RAI14: variants seen among roughly 807,000 people sequenced by gnomAD.
RAI14 encodes the protein ankycorbin.
In RAI14, 45 loss-of-function variants were observed where a neutral mutation model predicts 115.4. The observed-to-expected ratio is 0.39, with a 90% CI of 0.31 to 0.50. RAI14 has a LOEUF of 0.50. Among genes scored for constraint, RAI14 ranks in the 20% least tolerant of loss-of-function variants. The pLI is 0.85. For missense variants in RAI14, 939 were observed against 1,131.2 expected (o/e 0.83, Z 2.44); for synonymous variants, 371 against 415.4 (o/e 0.89, Z 1.30).
intron 16 of RAI14, 145 bp from the exon 17 acceptor site, chr5:34,829,587 C>A: frequency 1.7e-6 from 1 of 578,978 alleles, no homozygotes; most frequent in Non-Finnish European, 3.0e-6. Context: ...AGTAAGGCCA[C>A]AACAATTTTA....
At chr5:34,786,817 T>C (rs1580258294) in intron 3 of RAI14, among the ~76,000 whole-genome samples, 1 of 152,076 alleles carries the variant, frequency 6.6e-6, no homozygotes, top group African/African-American at 2.4e-5. Flanking sequence ...CACACAGAAA[T>C]ACAGACCGTG....
At position 34,796,179 on chromosome 5, in the gene RAI14, G is replaced by T. The variant is rs189302739; in HGVS notation, c.256+152G>T. On this transcript the variant is annotated intron_variant, in intron 4 of 17. Transcript: ENST00000265109. ...CGAGGGTGAGGTGTGTGGATCACTT[G>T]AGGCCAGGAGTTCAAGGCCAGACTG... is the stretch of plus-strand genomic sequence containing the variant. 311 of 589,048 alleles carry T rather than the reference G, an allele frequency of 5.3e-4. No homozygotes were observed. The African/African-American group carries it at 5.4e-3, about 10-fold the overall frequency. 36.5% of individuals were successfully genotyped at this position (589,048 alleles called of 1,614,324 possible).
intron 1 of RAI14, among the ~76,000 whole-genome samples, chr5:34,674,538 A>G (rs995170572): frequency 6.6e-6 from 1 of 151,060 alleles, no homozygotes; most frequent in Non-Finnish European, 1.5e-5. Context: ...TTCATAACCA[A>G]TTCCTTTGTA....
intron 2 of RAI14, among the ~76,000 whole-genome samples, chr5:34,739,824 G>A (rs1745278630): frequency 6.6e-6 from 1 of 152,188 alleles, no homozygotes; most frequent in African/African-American, 2.4e-5. Context: ...CACTTTGGGA[G>A]GCCGAGGCGG....
chr5:34,661,944 C>T (rs767923909), intron 1 of RAI14, among the ~76,000 whole-genome samples: 3 of 152,182 alleles, frequency 2.0e-5, no homozygotes, highest in African/African-American at 7.2e-5. Context: ...TGCCAACACA[C>T]CTGCCTAGTT....
chr5:34,803,887 C>A, intron 5 of RAI14, 111 bp downstream of exon 5: 1 of 923,996 alleles, frequency 1.1e-6, no homozygotes, highest in Non-Finnish European at 1.6e-6. Flanking sequence ...TAAATACTGT[C>A]CCCAAACCTG....
chr5:34,830,319 G>A (rs1003249839), intron 17 of RAI14, among the ~76,000 whole-genome samples: 2 of 152,164 alleles, frequency 1.3e-5, no homozygotes, highest in African/African-American at 4.8e-5. Context: ...GGATGATGTG[G>A]TCCTCCACTG....
Position 34,812,176 on chromosome 5 carries a change from A to G in RAI14, c.737-4A>G, listed in dbSNP as rs377479270. 146 of 1,578,366 alleles carry G rather than the reference A, an allele frequency of 9.3e-5. No homozygotes were observed. The African/African-American group carries it at 1.3e-3, about 14-fold the overall frequency. On this transcript the variant is annotated splice_polypyrimidine_tract_variant and splice_region_variant and intron_variant, in intron 9 of 17. Coordinates refer to ENST00000265109, the MANE Select transcript of RAI14 (RefSeq NM_015577.3). ...AGTTCTTTTTTTCACTTTTTCCTCT[A>G]TAGATTTAAAGACCCCAACAAAACC...
intron 3 of RAI14, among the ~76,000 whole-genome samples, chr5:34,761,295 T>C (rs575807629): frequency 4.6e-5 from 7 of 152,342 alleles, no homozygotes; most frequent in African/African-American, 1.7e-4. Flanking sequence ...CAAGTGATCC[T>C]CCTGCCTCAG....
intron 2 of RAI14, among the ~76,000 whole-genome samples, chr5:34,696,115 CA>C (rs370475162): frequency 1.8e-3 from 271 of 152,176 alleles, no homozygotes; most frequent in African/African-American, 6.4e-3. Flanking sequence ...CCACCACACC[CA>C]TCTAGCATTT....
At chr5:34,750,848 A>ATTTTTTTTTTTTTTTTTTTTTTTTT in intron 2 of RAI14, among the ~76,000 whole-genome samples, 1 of 83,638 alleles carries the variant, frequency 1.2e-5, no homozygotes, top group Non-Finnish European at 2.1e-5. Context: ...TTGCTTTATC[A>ATTTTTTTTTTTTTTTTTTTTTTTTT]TTTTTTTTTT....
chr5:34,804,648 T>G (rs1173551826), intron 5 of RAI14, among the ~76,000 whole-genome samples: 2 of 152,248 alleles, frequency 1.3e-5, no homozygotes, highest in African/African-American at 4.8e-5. Context: ...TTGCGTTACA[T>G]GATGCAAGCT....
At chr5:34,782,710 C>T (rs1751816134) in intron 3 of RAI14, among the ~76,000 whole-genome samples, 1 of 152,184 alleles carries the variant, frequency 6.6e-6, no homozygotes, top group Non-Finnish European at 1.5e-5. Flanking sequence ...CACTATACCT[C>T]CATGTTTCCA....
chr5:34,804,422 C>A (rs191765850), intron 5 of RAI14, among the ~76,000 whole-genome samples: 1 of 152,182 alleles, frequency 6.6e-6, no homozygotes, highest in African/African-American at 2.4e-5. Flanking sequence ...CCAGTTGTTG[C>A]CAGTCAAAAT....
chr5:34,822,866 T>A, intron 14 of RAI14, 90 bp from the exon 15 acceptor site: 1 of 1,173,320 alleles, frequency 8.5e-7, no homozygotes, highest in Non-Finnish European at 1.2e-6. Context: ...TGTATTTTTT[T>A]TTAGTAGAGA....
rs184314408 is a variant in RAI14, at chr5:34,801,353, C to T, written c.257-2359C>T. Among the ~76,000 whole-genome samples, 39 of 152,318 alleles carry T rather than the reference C, an allele frequency of 2.6e-4. No individual in the cohort carries two copies. In the East Asian group the frequency reaches 6.9e-3, roughly 27 times the overall value. ...CATTTTTATGCCATTCACCATAGCC[C>T]TATGGCCCACTAGTTTTTAAATACA... On this transcript the variant is annotated intron_variant, in intron 4 of 17. Transcript: ENST00000265109.
rs1395336570 is a variant in RAI14, at chr5:34,823,870, C to T, written c.2028C>T (p.Ile676=). 4 of 1,614,120 alleles carry T rather than the reference C, an allele frequency of 2.5e-6. No individual in the cohort carries two copies. Among genetic ancestry groups the T allele is most frequent in the Non-Finnish European group, 3.4e-6 (4 of 1,179,998 alleles). ...KSLEDVTAEY[I]HKAEHEKLMQ... ...TAGAGGATGTCACAGCTGAATATAT[C>T]CATAAAGCAGAGCATGAGAAACTGA... is the stretch of plus-strand genomic sequence containing the variant. The change falls in exon 15 of 18, where the codon ATC becomes ATT. Residue 676 remains isoleucine, a synonymous_variant. Transcript: ENST00000265109. This position sits in a 1 kb window ranked among gnomAD's most constrained non-coding sequence, Gnocchi z 4.5.
chr5:34,768,609 G>A (rs1749736219), intron 3 of RAI14, among the ~76,000 whole-genome samples: 1 of 152,152 alleles, frequency 6.6e-6, no homozygotes, highest in African/African-American at 2.4e-5. Flanking sequence ...TTGCCCTAAT[G>A]GAGATTTCAT....
intron 12 of RAI14, among the ~76,000 whole-genome samples, chr5:34,818,147 G>T: frequency 6.6e-6 from 1 of 152,092 alleles, no homozygotes. Flanking sequence ...ATGCCACATT[G>T]TAATTTTTAG....
Sources: allele counts gnomAD v4.1 joint callset (sites outside exome capture counted in the v4.1 genomes callset), GRCh38; gene constraint gnomAD v4.1.1; non-coding constraint Gnocchi (gnomAD v3.1); transcripts MANE v1.5; gene names NCBI Gene and HGNC (gene_info 2026-07-23, HGNC 2026-07-21).